NRXN1: variants seen among roughly 807,000 people sequenced by gnomAD.
NRXN1 encodes the protein neurexin 1, also known as neurexin-1.
NRXN1 carries 39 observed loss-of-function variants against 150.9 expected under a neutral mutation model. The observed-to-expected ratio is 0.26, with a 90% confidence interval of 0.20 to 0.34. The LOEUF is 0.34. NRXN1 is among the 10% of genes least tolerant of loss of function. NRXN1 has a pLI of 1.00. For missense variants in NRXN1, 1,815 were observed against 1,949.9 expected, an observed-to-expected ratio of 0.93 and a Z score of 1.30; for synonymous variants, 924 against 757.0, an observed-to-expected ratio of 1.22 and a Z score of -3.62.
At chr2:50,370,170 C>G (rs146907947) in intron 17 of NRXN1, among the ~76,000 whole-genome samples, 64 of 152,088 alleles carry the variant, frequency 4.2e-4, no homozygotes, top group African/African-American at 1.3e-3. Flanking sequence ...CATTGTCCCT[C>G]CAACTATATT....
chr2:50,497,261 G>A (rs2091688097), intron 14 of NRXN1, 72 bp downstream of exon 14: 1 of 1,207,978 alleles, frequency 8.3e-7, no homozygotes, highest in Non-Finnish European at 1.1e-6. Context: ...TCTTCTTAGT[G>A]TATATTTTTG....
intron 19 of NRXN1, among the ~76,000 whole-genome samples, chr2:50,074,105 C>T (rs1352096635): frequency 6.6e-6 from 1 of 151,932 alleles, no homozygotes; most frequent in African/African-American, 2.4e-5. Flanking sequence ...TTATAGGTTG[C>T]CAGATTTTTT....
intron 17 of NRXN1, among the ~76,000 whole-genome samples, chr2:50,334,903 A>G (rs2077081698): frequency 6.6e-6 from 1 of 152,202 alleles, no homozygotes; most frequent in African/African-American, 2.4e-5. Context: ...TCTTAACCAC[A>G]TCTTGCTTTG....
chr2:50,381,980 T>C (rs183685085), intron 17 of NRXN1, among the ~76,000 whole-genome samples: 295 of 152,210 alleles, frequency 1.9e-3, no homozygotes, highest in African/African-American at 6.5e-3. Context: ...ACAGAGAAGT[T>C]ATTTAGTCTG....
chr2:50,743,174 G>A (rs924032473), intron 5 of NRXN1, among the ~76,000 whole-genome samples: 14 of 152,100 alleles, frequency 9.2e-5, no homozygotes, highest in African/African-American at 3.1e-4. Context: ...TTAGTGAAGC[G>A]ATATGCTTTT....
Position 50,163,164 on chromosome 2 carries a change from G to GTATATATATATATA in NRXN1, c.3547-71684_3547-71671dup, listed in dbSNP as rs59163565. Among the ~76,000 whole-genome samples the GTATATATATATATA allele has an allele frequency of 9.3e-3, 1,319 of 141,690 alleles. 12 individuals are homozygous for GTATATATATATATA. The highest frequency in any genetic ancestry group is 0.013 in the Non-Finnish European group (846 of 64,996). 93.0% of individuals were successfully genotyped at this position (141,690 alleles called of 152,430 possible). A position where few individuals can be genotyped will look rare whatever the true frequency, so the allele number is the denominator to read the frequency against. On this transcript the variant is annotated intron_variant, in intron 18 of 22. Transcript: ENST00000401669. ...AGTTATAGATCTATCAATCCAAAATGTATATATATATATATATATATAAAA... is the reference window on the plus strand; with the variant it reads ...AGTTATAGATCTATCAATCCAAAATGTATATATATATATATATATATATATATATATATATAAAA...
chr2:50,543,014 G>C (rs13399280), intron 9 of NRXN1, among the ~76,000 whole-genome samples: 2,333 of 152,172 alleles, frequency 0.015, 56 homozygotes, highest in African/African-American at 0.053. Flanking sequence ...CTGGTTCATT[G>C]ATAATTGAAG....
intron 18 of NRXN1, among the ~76,000 whole-genome samples, chr2:50,228,788 C>A (rs1311143260): frequency 1.3e-5 from 2 of 151,902 alleles, no homozygotes; most frequent in African/African-American, 2.4e-5. Flanking sequence ...CCAGGAAGAG[C>A]CCACCATTAA....
intron 5 of NRXN1, among the ~76,000 whole-genome samples, chr2:50,824,578 A>G (rs530937478): frequency 2.6e-5 from 4 of 152,278 alleles, no homozygotes; most frequent in Admixed American, 1.3e-4. Context: ...GGATCCAGTA[A>G]AGGGATATTG....
intron 5 of NRXN1, among the ~76,000 whole-genome samples, chr2:50,698,950 C>A (rs1428676440): frequency 6.6e-6 from 1 of 152,142 alleles, no homozygotes; most frequent in Non-Finnish European, 1.5e-5. Context: ...AAAGTTCTCT[C>A]TATATATACC....
chr2:50,035,908 A>G (rs1485658356), intron 21 of NRXN1, among the ~76,000 whole-genome samples: 1 of 152,166 alleles, frequency 6.6e-6, no homozygotes, highest in African/African-American at 2.4e-5. Context: ...AATACTTCTA[A>G]GGAGGAAAGG....
intron 8 of NRXN1, among the ~76,000 whole-genome samples, chr2:50,605,271 A>C (rs1676905635): frequency 6.6e-6 from 1 of 152,198 alleles, no homozygotes; most frequent in Admixed American, 6.5e-5. Context: ...ATTCATTTTT[A>C]TTAGTGTGAC....
intron 8 of NRXN1, among the ~76,000 whole-genome samples, chr2:50,566,010 T>C (rs1298479776): frequency 1.3e-5 from 2 of 152,128 alleles, no homozygotes; most frequent in Non-Finnish European, 2.9e-5. Flanking sequence ...TCCTGCTGTA[T>C]TCAGAAATGG....
intron 17 of NRXN1, among the ~76,000 whole-genome samples, chr2:50,337,084 T>TA (rs1491558314): frequency 4.0e-5 from 4 of 98,854 alleles, no homozygotes; most frequent in African/African-American, 1.9e-4. Context: ...TTTCTTTTTC[T>TA]TTTTTTTTTT....
At chr2:50,869,941 A>C (rs1450244230) in intron 5 of NRXN1, among the ~76,000 whole-genome samples, 1 of 151,912 alleles carries the variant, frequency 6.6e-6, no homozygotes, top group Non-Finnish European at 1.5e-5. Flanking sequence ...GCTAAATACC[A>C]TGACAAGTTT....
At chr2:50,194,807 C>T (rs2061657012) in intron 18 of NRXN1, among the ~76,000 whole-genome samples, 1 of 152,138 alleles carries the variant, frequency 6.6e-6, no homozygotes, top group South Asian at 2.1e-4. Context: ...CATGCATGAA[C>T]TGGTCTAATT....
At chr2:50,797,258 A>G (rs2105657117) in intron 5 of NRXN1, among the ~76,000 whole-genome samples, 1 of 152,252 alleles carries the variant, frequency 6.6e-6, no homozygotes, top group Admixed American at 6.5e-5. Flanking sequence ...TTTCCTCTGT[A>G]TCATAGACAA....
chr2:50,228,785 G>A (rs779142794), intron 18 of NRXN1, among the ~76,000 whole-genome samples: 2 of 151,924 alleles, frequency 1.3e-5, no homozygotes, highest in Admixed American at 1.3e-4. Context: ...ATTCCAGGAA[G>A]AGCCCACCAT....
At chr2:49,941,530 A>T (rs1302079138) in intron 22 of NRXN1, among the ~76,000 whole-genome samples, 1 of 151,966 alleles carries the variant, frequency 6.6e-6, no homozygotes, top group Non-Finnish European at 1.5e-5. Flanking sequence ...TGAGCTCACG[A>T]AGAAAAAGTG....
Sources: allele counts gnomAD v4.1 joint callset (sites outside exome capture counted in the v4.1 genomes callset), GRCh38; gene constraint gnomAD v4.1.1; transcripts MANE v1.5; gene names NCBI Gene and HGNC (gene_info 2026-07-23, HGNC 2026-07-21).